DMD: variants seen among roughly 807,000 people sequenced by gnomAD.
The protein encoded by DMD is dystrophin, also known as mutant dystrophin.
DMD carries 63 observed loss-of-function variants against 330.1 expected under a neutral mutation model. The ratio of observed to expected loss-of-function variants is 0.19; its 90% CI spans 0.16 to 0.24. DMD has a LOEUF of 0.24. Ranked by LOEUF, DMD falls within the 10% of genes least tolerant of loss-of-function variation. DMD has a pLI of 1.00. For synonymous variants in DMD, 1,223 were observed against 959.8 expected, an observed-to-expected ratio of 1.27 and a Z score of -5.07; for missense variants, 3,344 against 2,684.1, an observed-to-expected ratio of 1.25 and a Z score of -5.43.
chrX:31,639,632 T>C (rs919846115), intron 54 of DMD, among the ~76,000 whole-genome samples: 5 of 112,012 alleles, frequency 4.5e-5, no homozygotes, highest in East Asian at 2.8e-4. Context: ...TTATACTGCA[T>C]TGATAGTCTC....
chrX:32,086,805 C>T (rs915210338), intron 44 of DMD, among the ~76,000 whole-genome samples: 5 of 111,114 alleles, frequency 4.5e-5, no homozygotes, highest in African/African-American at 1.6e-4. Flanking sequence ...AGAAACACTT[C>T]CAGGTAAATA....
chrX:32,465,077 G>T (rs1735974368), intron 23 of DMD, among the ~76,000 whole-genome samples: 1 of 111,837 alleles, frequency 8.9e-6, no homozygotes, highest in Non-Finnish European at 1.9e-5. Flanking sequence ...CAATGTAATG[G>T]TGTCTTTATA....
chrX:32,456,047 T>C (rs1049264589), intron 25 of DMD, among the ~76,000 whole-genome samples: 2 of 110,498 alleles, frequency 1.8e-5, no homozygotes, highest in Non-Finnish European at 3.8e-5. Context: ...GATGGTATTC[T>C]TCTCTCTGGT....
chrX:32,072,343 T>C (rs1158358109), intron 44 of DMD, among the ~76,000 whole-genome samples: 1 of 111,601 alleles, frequency 9.0e-6, no homozygotes, highest in Middle Eastern at 4.6e-3. Context: ...ATATTTTATA[T>C]AAATTAATTT....
At chrX:32,172,911 C>T (rs2096892882) in intron 44 of DMD, among the ~76,000 whole-genome samples, 1 of 111,341 alleles carries the variant, frequency 9.0e-6, no homozygotes. Flanking sequence ...AATCAAAGAT[C>T]ATAGAGGTAT....
intron 44 of DMD, among the ~76,000 whole-genome samples, chrX:32,179,296 T>G (rs1039249501): frequency 1.8e-5 from 2 of 111,438 alleles, no homozygotes; most frequent in South Asian, 7.5e-4. Context: ...TTTTCTTCCT[T>G]TAGTAACGAA....
At chrX:31,244,163 T>C (rs953835413) in intron 63 of DMD, among the ~76,000 whole-genome samples, 2 of 112,298 alleles carry the variant, frequency 1.8e-5, no homozygotes, top group African/African-American at 6.5e-5. Context: ...GTTGAGTTTC[T>C]GTATAAAATT....
At chrX:33,281,401 G>C (rs1450235236) in intron 1 of DMD, among the ~76,000 whole-genome samples, 1 of 110,422 alleles carries the variant, frequency 9.1e-6, no homozygotes, top group Admixed American at 9.7e-5. Context: ...TCGAGACAGG[G>C]TTTCACTATG....
intron 52 of DMD, among the ~76,000 whole-genome samples, chrX:31,684,005 C>T (rs1391113): frequency 0.42 from 46,277 of 110,310 alleles, 7,932 homozygotes; most frequent in African/African-American, 0.61. Flanking sequence ...CGTTAAATAA[C>T]TGGTCTAAGG....
chrX:31,489,815 T>G (rs767354978), intron 57 of DMD, among the ~76,000 whole-genome samples: 38 of 112,350 alleles, frequency 3.4e-4, no homozygotes, highest in African/African-American at 1.2e-3. Context: ...GTAAAAGTGC[T>G]TTGTCAAGGC....
chrX:33,092,584 A>G (rs753422718), intron 1 of DMD, among the ~76,000 whole-genome samples: 1 of 111,257 alleles, frequency 9.0e-6, no homozygotes, highest in South Asian at 3.8e-4. Context: ...CCAGAATAAC[A>G]TACGAATCAA....
chrX:31,671,711 C>A (rs958856702), intron 53 of DMD, among the ~76,000 whole-genome samples: 1 of 111,796 alleles, frequency 8.9e-6, no homozygotes, highest in African/African-American at 3.2e-5. Flanking sequence ...TCATAATATC[C>A]TCTTTTACTT....
intron 6 of DMD, among the ~76,000 whole-genome samples, chrX:32,811,624 T>C (rs2077375549): frequency 9.0e-6 from 1 of 111,627 alleles, no homozygotes. Flanking sequence ...TTACATACCA[T>C]GTTACTTGAT....
intron 52 of DMD, among the ~76,000 whole-genome samples, chrX:31,728,994 C>G (rs973106240): frequency 9.0e-6 from 1 of 111,056 alleles, no homozygotes; most frequent in African/African-American, 3.3e-5. Flanking sequence ...CTTCCTGACC[C>G]CATGGAAACT....
intron 49 of DMD, among the ~76,000 whole-genome samples, chrX:31,834,660 G>A (rs775870237): frequency 3.6e-5 from 4 of 111,301 alleles, no homozygotes; most frequent in East Asian, 2.8e-4. Flanking sequence ...GGCAGGTCTC[G>A]AACTCCTGAC....
chrX:33,325,775 T>C (rs2054080465), intron 1 of DMD, among the ~76,000 whole-genome samples: 1 of 112,304 alleles, frequency 8.9e-6, no homozygotes, highest in Non-Finnish European at 1.9e-5. Flanking sequence ...CATCATTTTC[T>C]ATTAGTGATG....
At chrX:32,139,203 T>G (rs1306182431) in intron 44 of DMD, among the ~76,000 whole-genome samples, 1 of 112,424 alleles carries the variant, frequency 8.9e-6, no homozygotes, top group Non-Finnish European at 1.9e-5. Context: ...GGGCTGTTCT[T>G]ACTATTCTCA....
intron 29 of DMD, among the ~76,000 whole-genome samples, chrX:32,430,117 G>C (rs1249574946): frequency 9.1e-6 from 1 of 110,467 alleles, no homozygotes; most frequent in Non-Finnish European, 1.9e-5. Context: ...TCAATATCTT[G>C]AAAATATTTT....
chrX:32,553,350 G>C (rs1483690749), intron 16 of DMD, among the ~76,000 whole-genome samples: 1 of 111,245 alleles, frequency 9.0e-6, no homozygotes. Context: ...CTAAGTGGGA[G>C]ATAAACATTG....
Sources: allele counts gnomAD v4.1 joint callset (sites outside exome capture counted in the v4.1 genomes callset), GRCh38; gene constraint gnomAD v4.1.1; transcripts MANE v1.5; gene names NCBI Gene and HGNC (gene_info 2026-07-23, HGNC 2026-07-21).